GNAO1: variants seen among roughly 807,000 people sequenced by gnomAD.
The protein encoded by GNAO1 is guanine nucleotide-binding protein G(o) subunit alpha.
For missense variants in GNAO1, 166 were observed against 478.7 expected (o/e 0.35, Z 6.10); for synonymous variants, 164 against 180.7 (o/e 0.91, Z 0.74).
intron 2 of GNAO1, among the ~76,000 whole-genome samples, chr16:56,275,717 G>A (rs1244622338): frequency 6.6e-6 from 1 of 152,224 alleles, no homozygotes; most frequent in Non-Finnish European, 1.5e-5. Flanking sequence ...TGTAGGGAAT[G>A]TGAAAAGACT....
chr16:56,246,420 G>A (rs192820742), intron 2 of GNAO1, among the ~76,000 whole-genome samples: 3 of 152,282 alleles, frequency 2.0e-5, no homozygotes, highest in African/African-American at 7.2e-5. Flanking sequence ...TCAGAGTCCC[G>A]TTCACAGAAA....
intron 2 of GNAO1, among the ~76,000 whole-genome samples, chr16:56,260,721 C>CA (rs60859952): frequency 1 from 152,236 of 152,262 alleles, 76,105 homozygotes; most frequent in Non-Finnish European, 1. Context: ...GGGGCATGAC[C>CA]CGCTATCATG....
At chr16:56,353,492 G>C (rs1399719925) in intron 7 of GNAO1, 1 of 152,452 alleles carries the variant, frequency 6.6e-6, no homozygotes, top group East Asian at 1.9e-4. Flanking sequence ...ACCTGTGAGG[G>C]CACAAAACAA....
intron 3 of GNAO1, among the ~76,000 whole-genome samples, chr16:56,292,310 T>C (rs1207997995): frequency 1.3e-5 from 2 of 152,152 alleles, no homozygotes; most frequent in Non-Finnish European, 2.9e-5. Flanking sequence ...CAGAACAATC[T>C]CAAAAGATAC....
At position 56,235,943 on chromosome 16, in the gene GNAO1, A is replaced by G. The variant is rs746828097; in HGVS notation, c.162-39988A>G. Among the ~76,000 whole-genome samples the G allele has an allele frequency of 4.8e-4, 73 of 152,190 alleles. 1 individual carries two copies. The highest frequency in any genetic ancestry group is 2.2e-4 in the Non-Finnish European group (15 of 68,030). ...TATGTACACGACTTGGACCTTTATCATTTGAAATTTTCACAAAGGGGGATC... is the reference window on the plus strand; with the variant it reads ...TATGTACACGACTTGGACCTTTATCGTTTGAAATTTTCACAAAGGGGGATC... On this transcript the variant is annotated intron_variant, in intron 2 of 8. Transcript: ENST00000262493.
intron 3 of GNAO1, among the ~76,000 whole-genome samples, chr16:56,328,142 G>A (rs147956376): frequency 2.0e-4 from 31 of 152,260 alleles, no homozygotes; most frequent in Non-Finnish European, 3.4e-4. Context: ...ACATAGCCCA[G>A]TTCTAGGGAC....
At chr16:56,320,045 A>G (rs1253688169) in intron 3 of GNAO1, among the ~76,000 whole-genome samples, 1 of 152,200 alleles carries the variant, frequency 6.6e-6, no homozygotes, top group Admixed American at 6.5e-5. Flanking sequence ...TGATAAAAAT[A>G]TGTTCATGCT....
chr16:56,270,495 G>A (rs111297361), intron 2 of GNAO1: 31 of 152,166 alleles, frequency 2.0e-4, no homozygotes, highest in African/African-American at 7.3e-4. Flanking sequence ...GAGTGCTCTG[G>A]AGAGGGACAG....
chr16:56,274,381 T>C (rs1468918088), intron 2 of GNAO1, among the ~76,000 whole-genome samples: 3 of 152,204 alleles, frequency 2.0e-5, no homozygotes, highest in Non-Finnish European at 4.4e-5. Flanking sequence ...CTCAAGATAC[T>C]TTTACAAAAC....
intron 6 of GNAO1, chr16:56,344,464 G>A: frequency 1.0e-6 from 1 of 996,068 alleles, no homozygotes; most frequent in South Asian, 4.5e-5. Context: ...GTGGGTTGGA[G>A]GACTCAGGCC....
At chr16:56,221,651 CAAA>C (rs11306838) in intron 2 of GNAO1, among the ~76,000 whole-genome samples, 533 of 83,854 alleles carry the variant, frequency 6.4e-3, no homozygotes, top group African/African-American at 0.021. Context: ...GACTGCATCT[CAAA>C]AAAAAAAAAA....
At chr16:56,276,926 G>A (rs1307817982) in intron 3 of GNAO1, 1 of 152,138 alleles carries the variant, frequency 6.6e-6, no homozygotes, top group African/African-American at 2.4e-5. Flanking sequence ...CTGAGCCTCT[G>A]GATGGAGAGC....
chr16:56,262,488 G>A (rs539883005), intron 2 of GNAO1, among the ~76,000 whole-genome samples: 4 of 152,220 alleles, frequency 2.6e-5, no homozygotes, highest in South Asian at 2.1e-4. Flanking sequence ...ACATCTAGGC[G>A]CTAATGAGCA....
At chr16:56,253,019 TCTG>T (rs2036813935) in intron 2 of GNAO1, among the ~76,000 whole-genome samples, 1 of 152,238 alleles carries the variant, frequency 6.6e-6, no homozygotes, top group Non-Finnish European at 1.5e-5. Context: ...TGCCAAGAGT[TCTG>T]CTGGGGAGCT....
At chr16:56,243,535 A>G (rs1272671601) in intron 2 of GNAO1, among the ~76,000 whole-genome samples, 3 of 152,240 alleles carry the variant, frequency 2.0e-5, no homozygotes, top group Admixed American at 6.5e-5. Flanking sequence ...CTCCAAAGAC[A>G]ATATACAAAT....
chr16:56,282,809 T>C (rs2037127541), intron 3 of GNAO1, among the ~76,000 whole-genome samples: 1 of 152,222 alleles, frequency 6.6e-6, no homozygotes, highest in Non-Finnish European at 1.5e-5. Flanking sequence ...AGGTCATACG[T>C]AGATCCAGAG....
At chr16:56,258,786 G>A (rs892495714) in intron 2 of GNAO1, among the ~76,000 whole-genome samples, 2 of 152,248 alleles carry the variant, frequency 1.3e-5, no homozygotes, top group African/African-American at 4.8e-5. Context: ...GTTTCCTGCA[G>A]CTCCTCTGGG....
intron 2 of GNAO1, among the ~76,000 whole-genome samples, chr16:56,234,222 C>T (rs1250145985): frequency 2.6e-5 from 4 of 152,260 alleles, no homozygotes; most frequent in African/African-American, 9.6e-5. Flanking sequence ...GGAGAGTCTA[C>T]CTGTCTCAAC....
chr16:56,346,613 G>C (rs1331561694), intron 6 of GNAO1: 3 of 985,316 alleles, frequency 3.0e-6, no homozygotes, highest in African/African-American at 3.5e-5. Flanking sequence ...CAAGCAGAGA[G>C]CACAGTCTGG....
Sources: allele counts gnomAD v4.1 joint callset (sites outside exome capture counted in the v4.1 genomes callset), GRCh38; gene constraint gnomAD v4.1.1; transcripts MANE v1.5; gene names NCBI Gene and HGNC (gene_info 2026-07-23, HGNC 2026-07-21).